TAOK3: variants seen among roughly 807,000 people sequenced by gnomAD.
The protein encoded by TAOK3 is serine/threonine-protein kinase TAO3.
TAOK3 carries 40 observed loss-of-function variants against 120.4 expected under a neutral mutation model. That is an observed-to-expected ratio of 0.33 (90% confidence interval 0.26 to 0.43). TAOK3 has a LOEUF of 0.43. Among genes scored for constraint, TAOK3 ranks in the 20% least tolerant of loss-of-function variants. TAOK3 has a pLI of 1.00. For missense variants in TAOK3, 821 were observed against 1,112.1 expected (o/e 0.74, Z 3.72); for synonymous variants, 355 against 387.5 (o/e 0.92, Z 0.99).
chr12:118,217,811 G>GTGTATA lies in TAOK3; in HGVS notation c.644-3702_644-3701insTATACA, dbSNP rs1353848789. 1.2e-4 allele frequency among the ~76,000 whole-genome samples: 9 copies of GTGTATA among 75,402 alleles called. 1 individual carries two copies. The highest frequency in any genetic ancestry group is 3.1e-4 in the African/African-American group (6 of 19,482). The allele number at this position is 75,402 out of a possible 152,430, so 49.5% of individuals were successfully genotyped here. On this transcript the variant is annotated intron_variant, in intron 9 of 20. Coordinates refer to ENST00000392533, the MANE Select transcript of TAOK3 (RefSeq NM_016281.4). ...TGTATGTATGTATGTGTGTGTGTGT[G>GTGTATA]TATACATATATATATATATATATAT...
At chr12:118,255,687 T>G in intron 2 of TAOK3, 32 bp from the exon 3 acceptor site, 1 of 1,073,590 alleles carries the variant, frequency 9.3e-7, no homozygotes, top group Non-Finnish European at 1.3e-6. Flanking sequence ...CATTAAATTA[T>G]TTCTAACACA....
At chr12:118,279,253 G>A (rs2042008389) in intron 1 of TAOK3, among the ~76,000 whole-genome samples, 1 of 152,054 alleles carries the variant, frequency 6.6e-6, no homozygotes. Context: ...CATGTCCTTT[G>A]CCCACTTTTT....
intron 1 of TAOK3, among the ~76,000 whole-genome samples, chr12:118,368,666 T>C (rs11068928): frequency 6.0e-5 from 9 of 149,272 alleles, no homozygotes; most frequent in African/African-American, 2.2e-4. Context: ...ATTAGCCGGG[T>C]GTGGTGGCGC....
At chr12:118,159,850 T>C (rs2035100800) in intron 19 of TAOK3, 1 of 404,502 alleles carries the variant, frequency 2.5e-6, no homozygotes, top group Non-Finnish European at 4.5e-6. Context: ...GTAAAATCTT[T>C]CATAAATGAA....
At chr12:118,356,151 C>G (rs1427032547) in intron 1 of TAOK3, among the ~76,000 whole-genome samples, 3 of 152,162 alleles carry the variant, frequency 2.0e-5, no homozygotes, top group African/African-American at 4.8e-5. Context: ...GAACTGAAAA[C>G]ATGGCATTCC....
rs760297588 is a variant in TAOK3 at position 118,155,090 on chromosome 12, G to C, written c.2353-2681C>G. Among the ~76,000 whole-genome samples the C allele has an allele frequency of 7.9e-5, 12 of 151,992 alleles. No homozygotes were observed. The South Asian group carries it at 8.3e-4, about 11-fold the overall frequency. On this transcript the variant is annotated intron_variant, in intron 19 of 20. Coordinates refer to ENST00000392533, the MANE Select transcript of TAOK3 (RefSeq NM_016281.4). ...AGCTCACTGCAACCTCCGACTCCCT[G>C]GTTGAAGCGATTCTCCTGCCTCAGC...
At chr12:118,273,200 G>A (rs2041781617) in intron 1 of TAOK3, among the ~76,000 whole-genome samples, 1 of 151,698 alleles carries the variant, frequency 6.6e-6, no homozygotes, top group Non-Finnish European at 1.5e-5. Flanking sequence ...CAAATTTGAG[G>A]GCCTCTTTAA....
At chr12:118,193,417 C>T (rs1329156855) in intron 13 of TAOK3, among the ~76,000 whole-genome samples, 1 of 152,112 alleles carries the variant, frequency 6.6e-6, no homozygotes. Context: ...AATGTTTCTT[C>T]AAGATCTTTG....
At chr12:118,241,053 T>G (rs963045252) in intron 5 of TAOK3, among the ~76,000 whole-genome samples, 2 of 149,498 alleles carry the variant, frequency 1.3e-5, no homozygotes, top group African/African-American at 2.4e-5. Flanking sequence ...GCAATTAAAT[T>G]AGATATAACA....
intron 15 of TAOK3, among the ~76,000 whole-genome samples, chr12:118,179,335 G>C (rs1391952666): frequency 1.3e-5 from 2 of 152,220 alleles, no homozygotes; most frequent in African/African-American, 4.8e-5. Flanking sequence ...TCTCATGGGG[G>C]TGGCAGGAAA....
chr12:118,309,904 TC>T (rs769416433), intron 1 of TAOK3, among the ~76,000 whole-genome samples: 3 of 152,118 alleles, frequency 2.0e-5, no homozygotes, highest in Non-Finnish European at 4.4e-5. Flanking sequence ...ACCTGAGTTT[TC>T]CTGTTTCTCT....
At chr12:118,234,805 AC>A (rs1454564355) in intron 8 of TAOK3, among the ~76,000 whole-genome samples, 2 of 152,034 alleles carry the variant, frequency 1.3e-5, no homozygotes, top group Non-Finnish European at 2.9e-5. Flanking sequence ...ACCTACAAAA[AC>A]CCTAGGTTGT....
intron 1 of TAOK3, among the ~76,000 whole-genome samples, chr12:118,367,781 C>G (rs1395370084): frequency 7.4e-5 from 11 of 148,306 alleles, no homozygotes; most frequent in Admixed American, 1.3e-4. Flanking sequence ...TTTTTTTTGG[C>G]GGGGGGTGGG....
At chr12:118,356,941 C>G (rs1372701707) in intron 1 of TAOK3, among the ~76,000 whole-genome samples, 2 of 152,084 alleles carry the variant, frequency 1.3e-5, no homozygotes, top group Non-Finnish European at 2.9e-5. Context: ...AAGCAAGCTA[C>G]TACTTAGATC....
intron 1 of TAOK3, among the ~76,000 whole-genome samples, chr12:118,356,512 G>T (rs1007919930): frequency 3.9e-5 from 6 of 151,930 alleles, no homozygotes; most frequent in Middle Eastern, 3.4e-3. Flanking sequence ...GTTGGCCAGG[G>T]TGGTCTCAAA....
At chr12:118,335,523 C>G (rs1032619800) in intron 1 of TAOK3, among the ~76,000 whole-genome samples, 2 of 151,904 alleles carry the variant, frequency 1.3e-5, no homozygotes, top group African/African-American at 2.4e-5. Context: ...AAAATTTTTA[C>G]CAAATATTAA....
At chr12:118,221,254 C>G (rs932403033) in intron 9 of TAOK3, among the ~76,000 whole-genome samples, 1 of 151,830 alleles carries the variant, frequency 6.6e-6, no homozygotes, top group Admixed American at 6.6e-5. Flanking sequence ...GACAGAGTCT[C>G]GCTCTGTAGC....
At chr12:118,305,428 G>A (rs1418578856) in intron 1 of TAOK3, among the ~76,000 whole-genome samples, 1 of 151,846 alleles carries the variant, frequency 6.6e-6, no homozygotes, top group African/African-American at 2.4e-5. Context: ...AGCTGAGACT[G>A]TGCCACTGCA....
At chr12:118,191,405 C>T (rs573689475) in intron 13 of TAOK3, among the ~76,000 whole-genome samples, 36 of 152,254 alleles carry the variant, frequency 2.4e-4, no homozygotes, top group Non-Finnish European at 4.1e-4. Flanking sequence ...TCTGCAGCTG[C>T]GCTGTCCAGC....
Sources: allele counts gnomAD v4.1 joint callset (sites outside exome capture counted in the v4.1 genomes callset), GRCh38; gene constraint gnomAD v4.1.1; transcripts MANE v1.5; gene names NCBI Gene and HGNC (gene_info 2026-07-23, HGNC 2026-07-21).